Variants in PHACTR1 observed in about 807,000 individuals in gnomAD.
PHACTR1 encodes RPEL repeat containing 1.
Under a neutral mutation model 69.2 loss-of-function variants are expected in PHACTR1, and 16 were observed. The observed-to-expected ratio is 0.23, with a 90% CI of 0.16 to 0.35. PHACTR1 has a LOEUF of 0.35. Among genes scored for constraint, PHACTR1 ranks in the 10% least tolerant of loss-of-function variants. The probability of loss-of-function intolerance (pLI) is 1.00; values close to 1 mark genes in which losing one functional copy is unlikely to be tolerated. For synonymous variants in PHACTR1, 312 were observed against 284.5 expected (o/e 1.10, Z -0.97); for missense variants, 510 against 734.7 (o/e 0.69, Z 3.54).
intron 5 of PHACTR1, among the ~76,000 whole-genome samples, chr6:13,123,843 G>A (rs1179230562): frequency 6.6e-6 from 1 of 152,184 alleles, no homozygotes; most frequent in Non-Finnish European, 1.5e-5. Flanking sequence ...ATGCTTTCAG[G>A]CTTCACAGTG....
rs562247447 is a variant in PHACTR1 at position 13,240,423 on chromosome 6, T to G, written c.1391+10230T>G. On this transcript the variant is annotated intron_variant, in intron 10 of 14. Transcript: ENST00000332995. Reference sequence around the variant, plus strand: ...TTCTTAGGATATTCGTTGTGGGTTTTTTTTTGTTGTTGTTTTTTTGTTTTG... The same window carrying G: ...TTCTTAGGATATTCGTTGTGGGTTTGTTTTTGTTGTTGTTTTTTTGTTTTG... 6.1e-3 allele frequency among the ~76,000 whole-genome samples: 924 copies of G among 151,882 alleles called. 13 individuals carry two copies. The highest frequency in any genetic ancestry group is 0.021 in the African/African-American group (884 of 41,202).
chr6:13,059,449 A>G (rs901313584), intron 5 of PHACTR1, among the ~76,000 whole-genome samples: 1 of 130,680 alleles, frequency 7.7e-6, no homozygotes, highest in Non-Finnish European at 1.6e-5. Context: ...TTTATGTTAA[A>G]TGTTCTTATC....
intron 10 of PHACTR1, among the ~76,000 whole-genome samples, chr6:13,240,939 A>G (rs1022744988): frequency 3.3e-5 from 5 of 152,236 alleles, no homozygotes; most frequent in South Asian, 4.1e-4. Flanking sequence ...CCCATTCTGT[A>G]GATGAGGAAA....
At chr6:12,920,942 T>TAGC (rs1787578164) in intron 4 of PHACTR1, among the ~76,000 whole-genome samples, 1 of 152,236 alleles carries the variant, frequency 6.6e-6, no homozygotes, top group Non-Finnish European at 1.5e-5. Flanking sequence ...AGTCAGCCTT[T>TAGC]TGAGTTGGAT....
intron 4 of PHACTR1, among the ~76,000 whole-genome samples, chr6:12,889,991 A>G (rs559092877): frequency 4.3e-4 from 65 of 150,072 alleles, no homozygotes; most frequent in African/African-American, 1.5e-3. Context: ...GGGGTCCCCA[A>G]CCCCCGGGTC....
intron 4 of PHACTR1, among the ~76,000 whole-genome samples, chr6:12,895,771 G>A (rs1582349454): frequency 6.6e-6 from 1 of 152,156 alleles, no homozygotes; most frequent in African/African-American, 2.4e-5. Context: ...CATTGCCTGC[G>A]GGAATTTCAG....
At chr6:12,734,804 G>A (rs1764022350) in intron 3 of PHACTR1, among the ~76,000 whole-genome samples, 1 of 152,194 alleles carries the variant, frequency 6.6e-6, no homozygotes, top group Non-Finnish European at 1.5e-5. Context: ...CCACTGGAAA[G>A]ATTTGTGCTG....
At position 13,249,707 on chromosome 6, in the gene PHACTR1, G is replaced by C. The variant is rs569153359; in HGVS notation, c.1391+19514G>C. The stretch of plus-strand genomic sequence containing the variant: ...CCAGCTACTCAGGAGGCTGAGGCAG[G>C]AGAATCACTTGAACCTGGGAGGCGG... On this transcript the variant is annotated intron_variant, in intron 10 of 14. Coordinates refer to ENST00000332995, the MANE Select transcript of PHACTR1 (RefSeq NM_030948.6). Among the ~76,000 whole-genome samples the C allele has an allele frequency of 4.0e-5, 6 of 150,378 alleles. No individual in the cohort carries two copies. The East Asian group carries it at 1.2e-3, about 30-fold the overall frequency.
intron 4 of PHACTR1, among the ~76,000 whole-genome samples, chr6:12,990,218 C>T (rs1796661372): frequency 6.6e-6 from 1 of 152,214 alleles, no homozygotes; most frequent in Admixed American, 6.5e-5. Flanking sequence ...ACCTGTGCCA[C>T]CCTTACACCC....
At chr6:13,285,111 A>G (rs1781383620) in intron 13 of PHACTR1, among the ~76,000 whole-genome samples, 1 of 152,190 alleles carries the variant, frequency 6.6e-6, no homozygotes, top group Non-Finnish European at 1.5e-5. Flanking sequence ...AAGGATAAGG[A>G]TATTAGCAAG....
At chr6:13,156,541 GA>G (rs1370229203) in intron 5 of PHACTR1, among the ~76,000 whole-genome samples, 1 of 152,202 alleles carries the variant, frequency 6.6e-6, no homozygotes, top group Non-Finnish European at 1.5e-5. Context: ...TGTTTCCATG[GA>G]AAAGTTTGAG....
intron 4 of PHACTR1, among the ~76,000 whole-genome samples, chr6:12,826,468 A>G (rs35278288): frequency 0.12 from 18,162 of 152,124 alleles, 1,235 homozygotes; most frequent in African/African-American, 0.18. Flanking sequence ...AGAACAGATG[A>G]CTTTTGCCTG....
chr6:13,000,261 C>T (rs534169651), intron 4 of PHACTR1, among the ~76,000 whole-genome samples: 1 of 152,098 alleles, frequency 6.6e-6, no homozygotes, highest in African/African-American at 2.4e-5. Flanking sequence ...CCAAAGTTGC[C>T]GGATGACCCT....
intron 5 of PHACTR1, among the ~76,000 whole-genome samples, chr6:13,111,941 A>G (rs1379605452): frequency 2.0e-5 from 3 of 152,008 alleles, no homozygotes; most frequent in Admixed American, 2.0e-4. Context: ...AACTTGTGTC[A>G]TGGGGGTTCT....
chr6:12,940,435 G>A (rs1277341717), intron 4 of PHACTR1, among the ~76,000 whole-genome samples: 2 of 152,142 alleles, frequency 1.3e-5, no homozygotes, highest in Non-Finnish European at 2.9e-5. Flanking sequence ...TCAGCAACAG[G>A]GTAAGAGGCT....
intron 4 of PHACTR1, among the ~76,000 whole-genome samples, chr6:12,830,659 G>A (rs1032792739): frequency 6.6e-6 from 1 of 151,830 alleles, no homozygotes; most frequent in Non-Finnish European, 1.5e-5. Context: ...GCGCGATCTC[G>A]GCTCACTGCA....
chr6:12,777,241 A>ATATTTT (rs935217184), intron 4 of PHACTR1, among the ~76,000 whole-genome samples: 1 of 134,140 alleles, frequency 7.5e-6, no homozygotes, highest in Admixed American at 7.4e-5. Context: ...ATATATATAT[A>ATATTTT]TTTTTTTAAT....
chr6:13,009,519 G>A (rs1472350264), intron 4 of PHACTR1, among the ~76,000 whole-genome samples: 1 of 152,038 alleles, frequency 6.6e-6, no homozygotes, highest in Non-Finnish European at 1.5e-5. Flanking sequence ...TTCTCCGTAA[G>A]AGTTAAAGCA....
intron 10 of PHACTR1, among the ~76,000 whole-genome samples, chr6:13,257,410 C>A (rs1775336178): frequency 6.6e-6 from 1 of 150,970 alleles, no homozygotes; most frequent in African/African-American, 2.5e-5. Flanking sequence ...TCCCTAACTT[C>A]ATAGAGTTTT....
Sources: allele counts gnomAD v4.1 joint callset (sites outside exome capture counted in the v4.1 genomes callset), GRCh38; gene constraint gnomAD v4.1.1; transcripts MANE v1.5; gene names NCBI Gene and HGNC (gene_info 2026-07-23, HGNC 2026-07-21).